ST14: variants seen among roughly 807,000 people sequenced by gnomAD.
ST14 encodes suppressor of tumorigenicity 14 protein.
ST14 carries 40 observed loss-of-function variants against 96.5 expected under a neutral mutation model. The ratio of observed to expected loss-of-function variants is 0.41; its 90% CI spans 0.32 to 0.54. ST14 has a LOEUF of 0.54. Among genes scored for constraint, ST14 ranks in the 20% least tolerant of loss-of-function variants. ST14 has a pLI of 0.17. For missense variants in ST14, 1,066 were observed against 1,188.9 expected (o/e 0.90, Z 1.52); for synonymous variants, 506 against 492.1 (o/e 1.03, Z -0.37).
intron 15 of ST14, 107 bp from the exon 16 acceptor site, chr11:130,199,844 A>G (rs1953408927): frequency 1.4e-6 from 2 of 1,425,498 alleles, no homozygotes; most frequent in Admixed American, 3.4e-5. Flanking sequence ...TGCACGCCAA[A>G]AGCTGGCTTC....
chr11:130,198,480 T>C (rs1953392449), intron 13 of ST14, 28 bp from the exon 14 acceptor site: 1 of 1,613,042 alleles, frequency 6.2e-7, no homozygotes, highest in South Asian at 1.1e-5. Context: ...CGGTGGCTCC[T>C]GGTGGCTGAG....
intron 1 of ST14, among the ~76,000 whole-genome samples, chr11:130,172,712 C>T (rs935692549): frequency 6.6e-6 from 1 of 152,178 alleles, no homozygotes; most frequent in African/African-American, 2.4e-5. Flanking sequence ...CCACCGCGCC[C>T]GGCCATTGCT....
At chr11:130,196,730 G>A (rs1308651698) in intron 11 of ST14, 30 bp downstream of exon 11, 2 of 1,614,144 alleles carry the variant, frequency 1.2e-6, no homozygotes, top group Non-Finnish European at 1.7e-6. Flanking sequence ...AGGAGGGCTG[G>A]CGGGGGCCTG....
In ST14 at chr11:130,189,747, G is replaced by A. The variant is rs751620039; in HGVS notation, c.449G>A (p.Ser150Asn). 1 of 1,612,424 alleles carries A rather than the reference G, an allele frequency of 6.2e-7. No individual in the cohort carries two copies. The highest frequency in any genetic ancestry group is 8.5e-7 in the Non-Finnish European group (1 of 1,179,914). Residue 150 changes from serine (S) to asparagine (N), a missense_variant, in exon 5 of 19, where the codon AGC (serine) becomes AAC (asparagine). Coordinates refer to ENST00000278742, the MANE Select transcript of ST14 (RefSeq NM_021978.4). The stretch of plus-strand genomic sequence containing the variant: ...TCCCGCTCTCTCCCCAGCGAGGGCA[G>A]CGTCATCGCCTACTACTGGTCTGAG... ...ESAVTAFSEG[S>N]VIAYYWSEFS...
intron 9 of ST14, among the ~76,000 whole-genome samples, chr11:130,195,609 C>T (rs866729987): frequency 2.8e-4 from 42 of 152,190 alleles, no homozygotes; most frequent in African/African-American, 9.9e-4. Flanking sequence ...AATCCCAGAA[C>T]TTTGGGAGGC....
Position 130,189,915 on chromosome 11 carries a change from G to T in ST14, c.598+19G>T, listed in dbSNP as rs1425083138. The T allele has an allele frequency of 6.2e-7, 1 of 1,613,366 alleles. No homozygotes were observed. ...GCTTTCCGTGAGTCCGAGGGCCAGG[G>T]GTGGGCGTGGGACTGGCCAGCCTTC... On this transcript the variant is annotated intron_variant, in intron 5 of 18. Coordinates refer to ENST00000278742, the MANE Select transcript of ST14 (RefSeq NM_021978.4).
rs778981240 is a variant in ST14, at chr11:130,188,708, A to G, written c.369+51A>G. On this transcript the variant is annotated intron_variant, in intron 3 of 18. Coordinates refer to ENST00000278742, the MANE Select transcript of ST14 (RefSeq NM_021978.4). This position sits in a 1 kb window ranked among gnomAD's most constrained non-coding sequence, Gnocchi z 5.4. ...GCTGGGCTGTGTGCGCTGGTGTCCC[A>G]CCTGCTGGGCAGGAGGGACATGCCT... 5 of 1,612,846 alleles carry G rather than the reference A, an allele frequency of 3.1e-6. No individual in the cohort carries two copies. Among genetic ancestry groups the G allele is most frequent in the South Asian group, 1.1e-5 (1 of 91,062 alleles).
In ST14 at chr11:130,194,287, C is replaced by A. The variant is rs774759524; in HGVS notation, c.1014C>A (p.Ser338Arg). ...EATFFQLPRM[S>R]SCGGRLRKAQ... The stretch of plus-strand genomic sequence containing the variant: ...CCTTCTTCCAGCTGCCTAGGATGAG[C>A]AGTAAGGAAGGGCAGGGCAGGGCGG... Residue 338 changes from serine (S) to arginine (R), a missense_variant and splice_region_variant, in exon 8 of 19, where the codon AGC (serine) becomes AGA (arginine). Physicochemically the swap from Ser to Arg is moderately radical, Grantham distance 110. Coordinates refer to ENST00000278742, the MANE Select transcript of ST14 (RefSeq NM_021978.4). The A allele has an allele frequency of 3.1e-5, 50 of 1,614,038 alleles. No homozygotes were observed. The highest frequency in any genetic ancestry group is 3.5e-5 in the Non-Finnish European group (41 of 1,180,034).
chr11:130,199,606 CT>C (rs1474499741), intron 15 of ST14, among the ~76,000 whole-genome samples: 1 of 152,196 alleles, frequency 6.6e-6, no homozygotes, highest in African/African-American at 2.4e-5. Context: ...GCCCCCTCCC[CT>C]GTGATGTCCC....
intron 16 of ST14, among the ~76,000 whole-genome samples, chr11:130,207,425 C>T (rs1300569178): frequency 6.6e-6 from 1 of 152,222 alleles, no homozygotes; most frequent in African/African-American, 2.4e-5. Context: ...GCTGCACATG[C>T]CTGTAGTCCC....
At chr11:130,184,213 T>C (rs1397059701) in intron 1 of ST14, among the ~76,000 whole-genome samples, 4 of 152,192 alleles carry the variant, frequency 2.6e-5, no homozygotes, top group African/African-American at 9.6e-5. Context: ...CATGGGTGCA[T>C]ATGGATGCCC....
rs183882586 is a variant in ST14 at position 130,171,500 on chromosome 11, A to T, written c.81+11440A>T. Among the ~76,000 whole-genome samples, 78 of 152,270 alleles carry T rather than the reference A, an allele frequency of 5.1e-4. 1 individual carries two copies. Among genetic ancestry groups the T allele is most frequent in the African/African-American group, 1.9e-3 (77 of 41,538 alleles). ...TTTCAATTCCTTCCTTTGGATAAAT[A>T]CTCAGAAGTGGGCTCGCTGGATCTG... On this transcript the variant is annotated intron_variant, in intron 1 of 18. Coordinates refer to ENST00000278742, the MANE Select transcript of ST14 (RefSeq NM_021978.4).
intron 1 of ST14, among the ~76,000 whole-genome samples, chr11:130,174,688 C>T (rs1953120552): frequency 6.6e-6 from 1 of 152,186 alleles, no homozygotes; most frequent in Non-Finnish European, 1.5e-5. Flanking sequence ...GACAAGCATC[C>T]TCCTCCACTG....
chr11:130,188,218 G>A lies in ST14; in HGVS notation c.186G>A (p.Leu62=), dbSNP rs774999450. Reference sequence around the variant, plus strand: ...GCTGGGTGGTGCTGGCAGCCGTGCTGATCGGCCTCCTCTTGGTCTTGCTGG... The same window carrying A: ...GCTGGGTGGTGCTGGCAGCCGTGCTAATCGGCCTCCTCTTGGTCTTGCTGG... The part of the protein sequence containing the change: ...PGRWVVLAAV[L]IGLLLVLLGI... Residue 62 remains leucine, a synonymous_variant, in exon 2 of 19, where the codon CTG becomes CTA. Coordinates refer to ENST00000278742, the MANE Select transcript of ST14 (RefSeq NM_021978.4). This position sits in a 1 kb window ranked among gnomAD's most constrained non-coding sequence, Gnocchi z 5.4. 6.8e-6 allele frequency: 11 copies of A among 1,614,194 alleles called. No individual in the cohort carries two copies. The South Asian group carries it at 9.9e-5, about 15-fold the overall frequency.
chr11:130,160,567 G>A (rs1952991538), intron 1 of ST14, among the ~76,000 whole-genome samples: 1 of 152,182 alleles, frequency 6.6e-6, no homozygotes, highest in South Asian at 2.1e-4. Flanking sequence ...TGCCATACGG[G>A]CTGGAGCTAA....
At chr11:130,164,394 C>CCT (rs938127695) in intron 1 of ST14, among the ~76,000 whole-genome samples, 14 of 151,728 alleles carry the variant, frequency 9.2e-5, no homozygotes, top group African/African-American at 3.4e-4. Context: ...CAAGTATTAC[C>CCT]CTTCTCAGAG....
intron 9 of ST14, among the ~76,000 whole-genome samples, chr11:130,195,377 G>A (rs1182555599): frequency 5.3e-5 from 8 of 152,154 alleles, no homozygotes; most frequent in Non-Finnish European, 1.0e-4. Flanking sequence ...GTGATGGAAC[G>A]ACCTGGGCAG....
chr11:130,172,697 G>A (rs141814927), intron 1 of ST14, among the ~76,000 whole-genome samples: 2 of 152,214 alleles, frequency 1.3e-5, no homozygotes, highest in Non-Finnish European at 2.9e-5. Flanking sequence ...GACTACAGGC[G>A]TGAACCACCG....
chr11:130,200,136 AGGTGGGTCTCT>A lies in ST14; in HGVS notation c.1994+2_1994+12del. 3.7e-6 allele frequency: 6 copies of A among 1,614,060 alleles called. No homozygotes were observed. The highest frequency in any genetic ancestry group is 5.1e-6 in the Non-Finnish European group (6 of 1,179,988). On this transcript the variant is annotated splice_donor_variant and splice_donor_5th_base_variant and coding_sequence_variant and intron_variant, in exon 16 of 19. Coordinates refer to ENST00000278742, the MANE Select transcript of ST14 (RefSeq NM_021978.4). LOFTEE classifies it high-confidence loss of function. ...CTGCTACATCGATGACAGAGGATTC[AGGTGGGTCTCT>A]GGGTGGGCAGCAGGGAGCCTCCTTG...
Sources: gnomAD v4.1 joint callset for allele counts (sites outside exome capture counted in the v4.1 genomes callset) on GRCh38, gnomAD v4.1.1 for gene constraint, Gnocchi (gnomAD v3.1) non-coding constraint, MANE v1.5 for transcripts, NCBI Gene and HGNC (gene_info 2026-07-23, HGNC 2026-07-21) for gene names.